The following PTPRG variants were observed in gnomAD, a reference collection of about 807,000 sequenced individuals.
PTPRG encodes receptor-type tyrosine-protein phosphatase gamma.
PTPRG carries 102 observed loss-of-function variants against 165.3 expected under a neutral mutation model. That is an observed-to-expected ratio of 0.62 (90% CI 0.53 to 0.73). The LOEUF is 0.73. Among genes scored for constraint, PTPRG ranks in the 30% least tolerant of loss-of-function variants. The pLI is 0.00. For synonymous variants in PTPRG, 675 were observed against 669.5 expected, an observed-to-expected ratio of 1.01 and a Z score of -0.13; for missense variants, 1,866 against 1,861.4, an observed-to-expected ratio of 1.00 and a Z score of -0.05.
At chr3:61,801,601 A>T (rs1333882574) in intron 2 of PTPRG, among the ~76,000 whole-genome samples, 1 of 152,102 alleles carries the variant, frequency 6.6e-6, no homozygotes, top group African/African-American at 2.4e-5. Context: ...GAAAAAATGG[A>T]AAAGAATAAC....
chr3:61,754,080 C>T (rs1441260886), intron 2 of PTPRG, among the ~76,000 whole-genome samples: 1 of 152,026 alleles, frequency 6.6e-6, no homozygotes, highest in Non-Finnish European at 1.5e-5. Flanking sequence ...AGAATCAGTA[C>T]AAGGAGACCA....
At chr3:61,912,634 T>C (rs576684094) in intron 2 of PTPRG, among the ~76,000 whole-genome samples, 1 of 152,380 alleles carries the variant, frequency 6.6e-6, no homozygotes, top group African/African-American at 2.4e-5. Flanking sequence ...GCCTTTTTGT[T>C]TGATATTCTT....
intron 7 of PTPRG, among the ~76,000 whole-genome samples, chr3:62,165,600 G>A (rs1244604506): frequency 1.3e-5 from 2 of 152,164 alleles, no homozygotes; most frequent in Non-Finnish European, 2.9e-5. Context: ...TGATAGTAAA[G>A]TAACTCAGAG....
chr3:61,989,511 AC>A (rs2040833837), intron 2 of PTPRG, 113 bp from the exon 3 acceptor site: 1 of 973,198 alleles, frequency 1.0e-6, no homozygotes, highest in South Asian at 1.9e-5. Context: ...CAGTACATTC[AC>A]CTCTTTGGAT....
At chr3:62,010,620 A>G (rs1459953527) in intron 4 of PTPRG, among the ~76,000 whole-genome samples, 1 of 152,120 alleles carries the variant, frequency 6.6e-6, no homozygotes, top group East Asian at 1.9e-4. Context: ...GTTCAAGGCC[A>G]GCCTGGGCAA....
intron 1 of PTPRG, among the ~76,000 whole-genome samples, chr3:61,626,306 T>C (rs772981672): frequency 5.9e-5 from 9 of 152,194 alleles, no homozygotes; most frequent in Non-Finnish European, 1.0e-4. Context: ...TTGTTTCTTT[T>C]CCCTCCCTTA....
At chr3:61,968,093 AAAT>A (rs1291830131) in intron 2 of PTPRG, among the ~76,000 whole-genome samples, 4 of 152,312 alleles carry the variant, frequency 2.6e-5, no homozygotes, top group Admixed American at 2.6e-4. Context: ...CTCTTCCATG[AAAT>A]AATGCTTCTG....
At chr3:61,647,557 G>A (rs560609544) in intron 1 of PTPRG, among the ~76,000 whole-genome samples, 1 of 152,066 alleles carries the variant, frequency 6.6e-6, no homozygotes, top group South Asian at 2.1e-4. Context: ...TTGGGAGGCC[G>A]AGGCGGGCGG....
At position 62,040,273 on chromosome 3, in the gene PTPRG, C is replaced by T. The variant is rs117812613; in HGVS notation, c.519+36776C>T. On this transcript the variant is annotated intron_variant, in intron 4 of 29. Coordinates refer to ENST00000474889, the MANE Select transcript of PTPRG (RefSeq NM_002841.4). ...ATTTCTGCCCAAATATCAGTTTTAACATCTTGTAAGATGCCAGTAACAAAG... is the reference window on the plus strand; with the variant it reads ...ATTTCTGCCCAAATATCAGTTTTAATATCTTGTAAGATGCCAGTAACAAAG... 8.6e-4 allele frequency among the ~76,000 whole-genome samples: 131 copies of T among 152,322 alleles called. No individual in the cohort carries two copies. In the East Asian group the frequency reaches 0.019, roughly 22 times the overall value.
At position 62,221,035 on chromosome 3, in the gene PTPRG, G is replaced by C. The variant is rs544934329; in HGVS notation, c.2288+2052G>C. ...CAATACCCAGCCAGCCAAAACATGA[G>C]TATTTACTACAGGTTTCTTATAGGG... On this transcript the variant is annotated intron_variant, in intron 13 of 29. Coordinates refer to ENST00000474889, the MANE Select transcript of PTPRG (RefSeq NM_002841.4). Among the ~76,000 whole-genome samples, 184 of 152,276 alleles carry C rather than the reference G, an allele frequency of 1.2e-3. 1 individual carries two copies. The highest frequency in any genetic ancestry group is 2.2e-3 in the Non-Finnish European group (151 of 68,030).
At chr3:61,581,498 C>G (rs778786817) in intron 1 of PTPRG, among the ~76,000 whole-genome samples, 2 of 152,006 alleles carry the variant, frequency 1.3e-5, no homozygotes, top group Admixed American at 6.6e-5. Flanking sequence ...GGCTTTTTGT[C>G]TTCTGTGGTG....
chr3:61,631,769 G>C (rs1701780451), intron 1 of PTPRG, among the ~76,000 whole-genome samples: 1 of 152,126 alleles, frequency 6.6e-6, no homozygotes. Flanking sequence ...TAGAGAAAAG[G>C]GAAATTGCAA....
intron 5 of PTPRG, among the ~76,000 whole-genome samples, chr3:62,113,523 A>G (rs1702745385): frequency 6.6e-6 from 1 of 152,242 alleles, no homozygotes; most frequent in Non-Finnish European, 1.5e-5. Flanking sequence ...TAAAAATATG[A>G]AAATTGACAT....
chr3:61,814,339 G>C (rs976113891), intron 2 of PTPRG, among the ~76,000 whole-genome samples: 4 of 152,172 alleles, frequency 2.6e-5, no homozygotes, highest in African/African-American at 9.7e-5. Flanking sequence ...AGAGCTTATA[G>C]TTCATAACCA....
At chr3:61,661,055 TC>T (rs113048997) in intron 1 of PTPRG, among the ~76,000 whole-genome samples, 5 of 151,308 alleles carry the variant, frequency 3.3e-5, no homozygotes. Context: ...GGACACTTTT[TC>T]CCCCCCTAAT....
At chr3:62,077,069 C>T (rs1375695058) in intron 4 of PTPRG, among the ~76,000 whole-genome samples, 1 of 152,064 alleles carries the variant, frequency 6.6e-6, no homozygotes, top group East Asian at 1.9e-4. Flanking sequence ...AGTTTGAAAC[C>T]AGCCTGGACA....
chr3:61,826,951 C>T (rs2036130960), intron 2 of PTPRG, among the ~76,000 whole-genome samples: 2 of 151,632 alleles, frequency 1.3e-5, no homozygotes, highest in African/African-American at 2.4e-5. Context: ...CATCTCCAGG[C>T]GTATGGTAGC....
At chr3:61,653,937 A>G (rs1042856064) in intron 1 of PTPRG, among the ~76,000 whole-genome samples, 1 of 151,544 alleles carries the variant, frequency 6.6e-6, no homozygotes, top group African/African-American at 2.4e-5. Flanking sequence ...ATGTAAGGCT[A>G]ATTAAGGTAC....
chr3:61,909,258 C>T (rs9784295), intron 2 of PTPRG, among the ~76,000 whole-genome samples: 2 of 152,118 alleles, frequency 1.3e-5, no homozygotes, highest in Non-Finnish European at 2.9e-5. Context: ...AGCGTTTCTT[C>T]GATGATAAAG....
Sources: gnomAD v4.1 joint callset for allele counts (sites outside exome capture counted in the v4.1 genomes callset) on GRCh38, gnomAD v4.1.1 for gene constraint, MANE v1.5 for transcripts, NCBI Gene and HGNC (gene_info 2026-07-23, HGNC 2026-07-21) for gene names.